Variants in SGCZ observed in about 807,000 individuals in gnomAD.
SGCZ encodes sarcoglycan zeta, also known as zeta-sarcoglycan.
In SGCZ, 40 loss-of-function variants were observed where a neutral mutation model predicts 41.3. That is an observed-to-expected ratio of 0.97 (90% confidence interval 0.75 to 1.26). The LOEUF is 1.26. Among genes scored for constraint, SGCZ ranks in the 50% most tolerant of loss-of-function variants. SGCZ has a pLI of 0.00. For missense variants in SGCZ, 552 were observed against 369.8 expected, an observed-to-expected ratio of 1.49 and a Z score of -4.04; for synonymous variants, 206 against 137.5, an observed-to-expected ratio of 1.50 and a Z score of -3.49.
At chr8:14,988,072 G>C (rs761720706) in intron 1 of SGCZ, among the ~76,000 whole-genome samples, 1 of 151,924 alleles carries the variant, frequency 6.6e-6, no homozygotes, top group Non-Finnish European at 1.5e-5. Flanking sequence ...ATAGGCCCTG[G>C]AATGCACAAT....
chr8:14,687,339 C>A (rs972411888), intron 1 of SGCZ, among the ~76,000 whole-genome samples: 11 of 55,244 alleles, frequency 2.0e-4, no homozygotes, highest in Non-Finnish European at 3.0e-4. Context: ...AGCTATCCCT[C>A]CCCCCTCCCC....
intron 1 of SGCZ, among the ~76,000 whole-genome samples, chr8:14,651,504 A>C (rs1449388151): frequency 6.6e-6 from 1 of 152,050 alleles, no homozygotes; most frequent in Non-Finnish European, 1.5e-5. Flanking sequence ...TACAATGTTA[A>C]AGGCTTTTAA....
chr8:14,982,760 G>C (rs1801710729), intron 1 of SGCZ, among the ~76,000 whole-genome samples: 1 of 151,932 alleles, frequency 6.6e-6, no homozygotes, highest in Admixed American at 6.6e-5. Flanking sequence ...TCTTTATTTT[G>C]AAAATTCTAG....
chr8:14,684,497 G>A (rs898836269), intron 1 of SGCZ, among the ~76,000 whole-genome samples: 8 of 152,244 alleles, frequency 5.3e-5, no homozygotes, highest in African/African-American at 1.4e-4. Context: ...GAGTTGGCTC[G>A]TGCTCTTAAA....
At chr8:14,630,505 A>C (rs1445267266) in intron 1 of SGCZ, among the ~76,000 whole-genome samples, 2 of 152,098 alleles carry the variant, frequency 1.3e-5, no homozygotes, top group East Asian at 3.9e-4. Context: ...CATTTGACCC[A>C]GCCATCCCAT....
chr8:14,554,504 T>A (rs1803969995), intron 2 of SGCZ, among the ~76,000 whole-genome samples: 1 of 152,044 alleles, frequency 6.6e-6, no homozygotes. Context: ...CTGTACTGTC[T>A]CGTGATCTAA....
intron 1 of SGCZ, among the ~76,000 whole-genome samples, chr8:15,169,296 A>G (rs1161625903): frequency 6.6e-6 from 1 of 152,140 alleles, no homozygotes; most frequent in African/African-American, 2.4e-5. Flanking sequence ...GTCCTCAGAG[A>G]AACTCCAACA....
At chr8:14,708,164 A>C (rs1401810916) in intron 1 of SGCZ, among the ~76,000 whole-genome samples, 2 of 151,960 alleles carry the variant, frequency 1.3e-5, no homozygotes, top group African/African-American at 2.4e-5. Context: ...TTAGACTTTC[A>C]ATTTTCATTC....
intron 1 of SGCZ, among the ~76,000 whole-genome samples, chr8:14,856,260 C>T (rs1163404036): frequency 6.6e-6 from 1 of 152,050 alleles, no homozygotes; most frequent in African/African-American, 2.4e-5. Flanking sequence ...ACTGGCACAT[C>T]GATGATACAG....
At chr8:14,581,444 T>C (rs1461535135) in intron 1 of SGCZ, among the ~76,000 whole-genome samples, 1 of 151,710 alleles carries the variant, frequency 6.6e-6, no homozygotes, top group Non-Finnish European at 1.5e-5. Flanking sequence ...TTTGTTTGTT[T>C]TTTTGTTTTT....
intron 3 of SGCZ, among the ~76,000 whole-genome samples, chr8:14,299,174 G>A (rs1053483511): frequency 1.3e-5 from 2 of 151,958 alleles, no homozygotes; most frequent in African/African-American, 4.8e-5. Context: ...CAACTAAATT[G>A]AAATGGTTGA....
intron 1 of SGCZ, among the ~76,000 whole-genome samples, chr8:14,909,961 C>T (rs1799234270): frequency 6.6e-6 from 1 of 152,094 alleles, no homozygotes; most frequent in Admixed American, 6.6e-5. Flanking sequence ...ACTCTATCAT[C>T]CCATAAGAGA....
At chr8:14,594,398 G>T (rs1029869384) in intron 1 of SGCZ, among the ~76,000 whole-genome samples, 2 of 151,526 alleles carry the variant, frequency 1.3e-5, no homozygotes, top group Non-Finnish European at 2.9e-5. Flanking sequence ...GGAAGATCTG[G>T]GTTCATATAA....
At chr8:14,904,310 G>C (rs1424604073) in intron 1 of SGCZ, among the ~76,000 whole-genome samples, 1 of 152,106 alleles carries the variant, frequency 6.6e-6, no homozygotes, top group East Asian at 1.9e-4. Context: ...GGACAGAAAG[G>C]ATAGCATAAT....
In SGCZ at chr8:14,629,167, C is replaced by T. The variant is rs564134856; in HGVS notation, c.40-74241G>A. Among the ~76,000 whole-genome samples the T allele has an allele frequency of 1.2e-4, 19 of 152,218 alleles. No individual in the cohort carries two copies. The South Asian group carries it at 3.9e-3, about 32-fold the overall frequency. On this transcript the variant is annotated intron_variant, in intron 1 of 7. Transcript: ENST00000382080. The stretch of plus-strand genomic sequence containing the variant: ...GGTAGTCATACCTGAAGTCCATCTT[C>T]AGTTGTGCATGTTCCAGATATATGG...
At chr8:14,402,093 G>A (rs763300293) in intron 2 of SGCZ, among the ~76,000 whole-genome samples, 1 of 152,132 alleles carries the variant, frequency 6.6e-6, no homozygotes, top group African/African-American at 2.4e-5. Flanking sequence ...CTTCTTTTGA[G>A]AAGTGTCTGT....
At chr8:14,346,921 T>C (rs1264131059) in intron 2 of SGCZ, among the ~76,000 whole-genome samples, 1 of 152,052 alleles carries the variant, frequency 6.6e-6, no homozygotes, top group Non-Finnish European at 1.5e-5. Context: ...AAATTATTAT[T>C]TCGGACAGTG....
chr8:14,502,410 T>C (rs1278474331), intron 2 of SGCZ, among the ~76,000 whole-genome samples: 1 of 152,156 alleles, frequency 6.6e-6, no homozygotes, highest in African/African-American at 2.4e-5. Flanking sequence ...CTTCATCTCA[T>C]TTAGGGTTAT....
At chr8:14,786,950 G>A (rs1032560516) in intron 1 of SGCZ, among the ~76,000 whole-genome samples, 6 of 151,862 alleles carry the variant, frequency 4.0e-5, no homozygotes, top group East Asian at 3.9e-4. Context: ...GAAAATAGAT[G>A]TACCTGGATA....
Sources: gnomAD v4.1 joint callset for allele counts (sites outside exome capture counted in the v4.1 genomes callset) on GRCh38, gnomAD v4.1.1 for gene constraint, MANE v1.5 for transcripts, NCBI Gene and HGNC (gene_info 2026-07-23, HGNC 2026-07-21) for gene names.